The following ASIC2 variants were observed in gnomAD, a reference collection of about 807,000 sequenced individuals.
ASIC2 encodes acid-sensing ion channel 2.
A neutral mutation model predicts 57.3 loss-of-function variants in ASIC2; 25 were observed. The observed-to-expected ratio is 0.44, with a 90% CI of 0.32 to 0.61. The LOEUF (loss-of-function observed/expected upper bound fraction) is 0.61. Ranked by LOEUF, ASIC2 falls within the 20% of genes least tolerant of loss-of-function variation. ASIC2 has a pLI of 0.06. For missense variants in ASIC2, 641 were observed against 738.1 expected (o/e 0.87, Z 1.52); for synonymous variants, 319 against 307.5 (o/e 1.04, Z -0.39).
intron 1 of ASIC2, among the ~76,000 whole-genome samples, chr17:33,270,017 G>A (rs1261039368): frequency 6.6e-6 from 1 of 152,126 alleles, no homozygotes; most frequent in East Asian, 1.9e-4. Flanking sequence ...AGTTGAATGA[G>A]GGAAGCCTCC....
At chr17:33,312,101 A>G (rs1294451087) in intron 1 of ASIC2, among the ~76,000 whole-genome samples, 1 of 152,248 alleles carries the variant, frequency 6.6e-6, no homozygotes, top group Admixed American at 6.5e-5. Context: ...TGGGTGAGCC[A>G]TGCAATCTCT....
chr17:33,302,470 A>G (rs907365395), intron 1 of ASIC2, among the ~76,000 whole-genome samples: 6 of 152,096 alleles, frequency 3.9e-5, no homozygotes, highest in Non-Finnish European at 7.4e-5. Context: ...CTCACTAACC[A>G]GCTCCTAATC....
intron 1 of ASIC2, among the ~76,000 whole-genome samples, chr17:33,816,182 T>C: frequency 3.7e-5 from 1 of 27,226 alleles, no homozygotes; most frequent in Non-Finnish European, 9.6e-5. Context: ...GGGGGGCGGG[T>C]GGGGTAGAGA....
chr17:34,148,987 G>C (rs1014799195), intron 1 of ASIC2, among the ~76,000 whole-genome samples: 6 of 152,036 alleles, frequency 3.9e-5, no homozygotes, highest in Non-Finnish European at 7.4e-5. Flanking sequence ...ACACACACAT[G>C]CACACAATAC....
intron 1 of ASIC2, among the ~76,000 whole-genome samples, chr17:33,772,397 G>A (rs1911139937): frequency 6.6e-6 from 1 of 152,138 alleles, no homozygotes; most frequent in Admixed American, 6.5e-5. Flanking sequence ...TTGAACTTAA[G>A]TATAAAGATG....
At chr17:34,054,781 T>G (rs1170747161) in intron 1 of ASIC2, among the ~76,000 whole-genome samples, 1 of 152,134 alleles carries the variant, frequency 6.6e-6, no homozygotes, top group Non-Finnish European at 1.5e-5. Context: ...GCATAGAGAC[T>G]CAGAAAACAG....
intron 1 of ASIC2, among the ~76,000 whole-genome samples, chr17:33,463,232 G>A (rs9635766): frequency 0.24 from 36,932 of 152,086 alleles, 4,566 homozygotes; most frequent in African/African-American, 0.27. Flanking sequence ...AACCAATGGA[G>A]TAGGTTAGTT....
At chr17:33,601,932 TTCTC>T (rs1905123814) in intron 1 of ASIC2, among the ~76,000 whole-genome samples, 1 of 152,252 alleles carries the variant, frequency 6.6e-6, no homozygotes, top group Non-Finnish European at 1.5e-5. Flanking sequence ...CCCTTTCTTC[TTCTC>T]TATTTCTCCC....
At chr17:33,802,539 A>G (rs1056226982) in intron 1 of ASIC2, among the ~76,000 whole-genome samples, 2 of 152,216 alleles carry the variant, frequency 1.3e-5, no homozygotes, top group African/African-American at 4.8e-5. Context: ...AGTCATCTCC[A>G]GGCAGTGTGT....
At chr17:33,508,278 G>A (rs1914325034) in intron 1 of ASIC2, among the ~76,000 whole-genome samples, 1 of 152,140 alleles carries the variant, frequency 6.6e-6, no homozygotes, top group African/African-American at 2.4e-5. Flanking sequence ...GGGATATAAA[G>A]ATGAGTACAA....
chr17:34,134,068 G>A (rs922810103), intron 1 of ASIC2, among the ~76,000 whole-genome samples: 1 of 152,174 alleles, frequency 6.6e-6, no homozygotes, highest in Non-Finnish European at 1.5e-5. Flanking sequence ...GAGTGCTACA[G>A]TCAGCTTCCA....
chr17:34,027,078 T>C (rs1907403643), intron 1 of ASIC2, among the ~76,000 whole-genome samples: 1 of 152,162 alleles, frequency 6.6e-6, no homozygotes, highest in African/African-American at 2.4e-5. Context: ...TAGTAAGAAT[T>C]CTGAAAATAT....
intron 1 of ASIC2, among the ~76,000 whole-genome samples, chr17:33,249,279 C>T (rs1306644695): frequency 3.3e-5 from 5 of 151,696 alleles, no homozygotes; most frequent in South Asian, 2.1e-4. Flanking sequence ...GAAATGGGGG[C>T]GTGGTGAGAT....
intron 1 of ASIC2, among the ~76,000 whole-genome samples, chr17:34,133,623 C>T (rs750174932): frequency 6.6e-6 from 1 of 152,250 alleles, no homozygotes; most frequent in Non-Finnish European, 1.5e-5. Flanking sequence ...CTGGCACCAG[C>T]AGGTGAAACA....
chr17:33,075,975 G>A (rs2092087663), intron 3 of ASIC2, among the ~76,000 whole-genome samples: 1 of 152,142 alleles, frequency 6.6e-6, no homozygotes, highest in Non-Finnish European at 1.5e-5. Context: ...TCAATCTAAT[G>A]CAACTAATCA....
In ASIC2 at chr17:33,940,365, C is replaced by G. The variant is rs1053127320; in HGVS notation, c.555+215613G>C. On this transcript the variant is annotated intron_variant, in intron 1 of 9. Coordinates refer to the ASIC2 transcript ENST00000359872. ...AACAGCAGTTTCCAGAGGGATCACC[C>G]TGAAGCATCTCTATCATCTAGTGCT... Among the ~76,000 whole-genome samples, 117 of 152,194 alleles carry G rather than the reference C, an allele frequency of 7.7e-4. 2 individuals are homozygous for G. The highest frequency in any genetic ancestry group is 1.8e-4 in the Non-Finnish European group (12 of 68,042).
intron 1 of ASIC2, among the ~76,000 whole-genome samples, chr17:33,143,419 C>T (rs2142020372): frequency 6.6e-6 from 1 of 152,310 alleles, no homozygotes; most frequent in South Asian, 2.1e-4. Flanking sequence ...TGAACACCTA[C>T]TATGTGCCAG....
At chr17:33,938,809 G>C (rs1474208720) in intron 1 of ASIC2, among the ~76,000 whole-genome samples, 1 of 152,192 alleles carries the variant, frequency 6.6e-6, no homozygotes, top group Admixed American at 6.5e-5. Context: ...CTCCTGCATG[G>C]CTGTCTCCCT....
intron 1 of ASIC2, chr17:33,976,616 G>A (rs993547457): frequency 6.6e-6 from 1 of 152,166 alleles, no homozygotes; most frequent in Non-Finnish European, 1.5e-5. Flanking sequence ...CACTCCAGGA[G>A]GAGGGCATCA....
Sources: allele counts gnomAD v4.1 joint callset (sites outside exome capture counted in the v4.1 genomes callset), GRCh38; gene constraint gnomAD v4.1.1; transcripts MANE v1.5; gene names NCBI Gene and HGNC (gene_info 2026-07-23, HGNC 2026-07-21).